The following ADAMTSL1 variants were observed in gnomAD, a reference collection of about 807,000 sequenced individuals.
ADAMTSL1 encodes ADAMTS like 1, also known as ADAMTS-like protein 1.
In ADAMTSL1, 126 loss-of-function variants were observed where a neutral mutation model predicts 201.8. That is an observed-to-expected ratio of 0.62 (90% CI 0.54 to 0.72). The LOEUF is 0.72. ADAMTSL1 is among the 30% of genes least tolerant of loss of function. The pLI, the probability that ADAMTSL1 is intolerant of heterozygous loss-of-function variation, is 0.00. For synonymous variants in ADAMTSL1, 1,121 were observed against 903.4 expected (o/e 1.24, Z -4.32); for missense variants, 2,679 against 2,277.8 (o/e 1.18, Z -3.59).
intron 1 of ADAMTSL1, among the ~76,000 whole-genome samples, chr9:18,489,775 A>G (rs1259711993): frequency 6.6e-6 from 1 of 152,186 alleles, no homozygotes; most frequent in African/African-American, 2.4e-5. Context: ...TCTTATCCAA[A>G]TGACCGACTT....
intron 1 of ADAMTSL1, among the ~76,000 whole-genome samples, chr9:17,968,937 C>T (rs981062033): frequency 7.2e-5 from 11 of 151,898 alleles, no homozygotes; most frequent in Non-Finnish European, 1.0e-4. Flanking sequence ...TTAATTGCAT[C>T]GACCCAGAAG....
At chr9:18,193,336 G>A (rs1367975155) in intron 2 of ADAMTSL1, among the ~76,000 whole-genome samples, 1 of 152,078 alleles carries the variant, frequency 6.6e-6, no homozygotes, top group Non-Finnish European at 1.5e-5. Flanking sequence ...TATGTTTATG[G>A]CAGCCACAGT....
chr9:18,284,091 G>A (rs987260023), intron 2 of ADAMTSL1, among the ~76,000 whole-genome samples: 7 of 150,464 alleles, frequency 4.7e-5, no homozygotes, highest in African/African-American at 7.3e-5. Context: ...TTAGCTGGGC[G>A]TGGTCACACA....
chr9:18,853,889 C>G (rs73423138), intron 23 of ADAMTSL1, among the ~76,000 whole-genome samples: 27,294 of 120,370 alleles, frequency 0.23, 5,527 homozygotes, highest in African/African-American at 0.54. Context: ...TATTCACTCT[C>G]TGTGTGTGTG....
intron 2 of ADAMTSL1, among the ~76,000 whole-genome samples, chr9:18,519,034 A>G (rs555104560): frequency 6.6e-6 from 1 of 152,156 alleles, no homozygotes; most frequent in Non-Finnish European, 1.5e-5. Flanking sequence ...CTTTACCTAC[A>G]ATGTCCCTCC....
At chr9:18,234,357 T>C (rs1467961989) in intron 2 of ADAMTSL1, among the ~76,000 whole-genome samples, 3 of 152,096 alleles carry the variant, frequency 2.0e-5, no homozygotes, top group South Asian at 2.1e-4. Flanking sequence ...GTCAGAGAGA[T>C]AGTTGGATGG....
chr9:18,553,693 G>C (rs963911022), intron 3 of ADAMTSL1, among the ~76,000 whole-genome samples: 1 of 151,784 alleles, frequency 6.6e-6, no homozygotes, highest in African/African-American at 2.4e-5. Context: ...GTTTTGCAGT[G>C]AACTTAACTC....
chr9:18,097,390 A>G (rs1230162044), intron 1 of ADAMTSL1, among the ~76,000 whole-genome samples: 1 of 152,220 alleles, frequency 6.6e-6, no homozygotes, highest in Non-Finnish European at 1.5e-5. Context: ...AGTGTACAAC[A>G]TTCTGGCTGT....
Position 18,838,543 on chromosome 9 carries a change from T to C in ADAMTSL1, c.4249+8566T>C, listed in dbSNP as rs894855585. 4.6e-5 allele frequency among the ~76,000 whole-genome samples: 7 copies of C among 151,990 alleles called. No individual in the cohort carries two copies. The East Asian group carries it at 1.4e-3, about 29-fold the overall frequency. On this transcript the variant is annotated intron_variant, in intron 23 of 28. Transcript: ENST00000380548. ...ATAAATAAATAAATAAATAAATAAC[T>C]AGGCTGGGCATGGTGATTCACACCT...
intron 1 of ADAMTSL1, among the ~76,000 whole-genome samples, chr9:18,479,646 C>T (rs1050909621): frequency 6.6e-6 from 1 of 152,210 alleles, no homozygotes; most frequent in African/African-American, 2.4e-5. Flanking sequence ...CATCGCCCAT[C>T]TCTTACTTAT....
intron 2 of ADAMTSL1, among the ~76,000 whole-genome samples, chr9:18,196,946 T>C (rs1383401412): frequency 6.6e-6 from 1 of 152,124 alleles, no homozygotes; most frequent in Non-Finnish European, 1.5e-5. Flanking sequence ...AGTAGGCCCC[T>C]ATAGCTTCAC....
intron 3 of ADAMTSL1, among the ~76,000 whole-genome samples, chr9:18,534,662 AGACTTTT>A (rs757747267): frequency 6.6e-6 from 1 of 152,200 alleles, no homozygotes; most frequent in Non-Finnish European, 1.5e-5. Context: ...CCCCTGCAGC[AGACTTTT>A]GCCTGGACAT....
At chr9:17,961,044 G>A (rs975685755) in intron 1 of ADAMTSL1, among the ~76,000 whole-genome samples, 2 of 152,128 alleles carry the variant, frequency 1.3e-5, no homozygotes, top group African/African-American at 2.4e-5. Flanking sequence ...TAATTTTCCT[G>A]TGTGCCATTT....
chr9:18,037,517 C>G (rs1333011425), intron 1 of ADAMTSL1, among the ~76,000 whole-genome samples: 1 of 152,038 alleles, frequency 6.6e-6, no homozygotes, highest in Admixed American at 6.6e-5. Flanking sequence ...ACACTTCTTT[C>G]TGTAGTATAT....
chr9:18,080,369 G>A lies in ADAMTSL1; in HGVS notation c.88-83493G>A, dbSNP rs577006685. ...TACAGAAGTGGAAAGGGTGAGCTAG[G>A]AGGATACCTACAAGATGCCTCTGAG... On this transcript the variant is annotated intron_variant, in intron 1 of 29. Transcript: ENST00000680146. 3.0e-3 allele frequency among the ~76,000 whole-genome samples: 455 copies of A among 152,278 alleles called. 9 individuals are homozygous for A. The South Asian group carries it at 0.044, about 15-fold the overall frequency.
At chr9:18,201,776 G>T (rs1829457533) in intron 2 of ADAMTSL1, among the ~76,000 whole-genome samples, 1 of 152,036 alleles carries the variant, frequency 6.6e-6, no homozygotes. Context: ...GCAACTTATT[G>T]TTTGTATGTC....
At chr9:17,915,154 C>T (rs929992805) in intron 1 of ADAMTSL1, among the ~76,000 whole-genome samples, 2 of 152,258 alleles carry the variant, frequency 1.3e-5, no homozygotes, top group East Asian at 1.9e-4. Flanking sequence ...GAAGTTTCCT[C>T]ATTACCCTTT....
At chr9:18,597,888 T>C (rs1221776794) in intron 4 of ADAMTSL1, among the ~76,000 whole-genome samples, 1 of 152,194 alleles carries the variant, frequency 6.6e-6, no homozygotes, top group African/African-American at 2.4e-5. Context: ...TAATAAGGGC[T>C]GCTTTCCAGA....
chr9:18,156,893 A>G (rs1827179677), intron 1 of ADAMTSL1, among the ~76,000 whole-genome samples: 1 of 152,198 alleles, frequency 6.6e-6, no homozygotes, highest in Middle Eastern at 3.4e-3. Context: ...GGAATGGGGT[A>G]TAATATGTTT....
Sources: gnomAD v4.1 joint callset for allele counts (sites outside exome capture counted in the v4.1 genomes callset) on GRCh38, gnomAD v4.1.1 for gene constraint, MANE v1.5 for transcripts, NCBI Gene and HGNC (gene_info 2026-07-23, HGNC 2026-07-21) for gene names.